Variants in ZNF215 observed in about 807,000 individuals in gnomAD.
ZNF215 encodes the protein BWSCR2-associated zinc finger protein 2.
ZNF215 carries 24 observed loss-of-function variants against 27.2 expected under a neutral mutation model. That is an observed-to-expected ratio of 0.88 (90% CI 0.64 to 1.24). The LOEUF is 1.24. ZNF215 is among the 50% of genes most tolerant of loss of function. ZNF215 has a pLI of 0.00. For synonymous variants in ZNF215, 210 were observed against 204.0 expected (o/e 1.03, Z -0.25); for missense variants, 675 against 605.7 (o/e 1.11, Z -1.20).
At chr11:6,953,571 G>A (rs923737361) in intron 6 of ZNF215, among the ~76,000 whole-genome samples, 3 of 152,092 alleles carry the variant, frequency 2.0e-5, no homozygotes, top group Non-Finnish European at 4.4e-5. Flanking sequence ...CTCGAGCCTT[G>A]GTTTTCAGCT....
chr11:6,989,158 A>G (rs1198950791), downstream of ZNF215, among the ~76,000 whole-genome samples: 1 of 116,864 alleles, frequency 8.6e-6, no homozygotes, highest in Non-Finnish European at 2.0e-5. Context: ...CTCAAAAAAA[A>G]AAAAAAAAAA....
intron 6 of ZNF215, among the ~76,000 whole-genome samples, chr11:6,944,869 A>C (rs1235383862): frequency 1.3e-5 from 2 of 152,060 alleles, no homozygotes; most frequent in African/African-American, 4.8e-5. Context: ...TATTTCACTA[A>C]TTTTGAAAAT....
At position 6,952,864 on chromosome 11, in the gene ZNF215, G is replaced by A. The variant is rs566731647; in HGVS notation, c.713-2826G>A. 4.0e-5 allele frequency among the ~76,000 whole-genome samples: 6 copies of A among 151,444 alleles called. No homozygotes were observed. In the East Asian group the frequency reaches 5.8e-4, roughly 15 times the overall value. ...TTACAATTTGGCATGATTTTGCAGT[G>A]GCTGGTACCGGTTGTTCCTTTCCAT... is the stretch of plus-strand genomic sequence containing the variant. On this transcript the variant is annotated intron_variant, in intron 6 of 6. Coordinates refer to ENST00000278319, the MANE Select transcript of ZNF215 (RefSeq NM_013250.4).
intron 4 of ZNF215, among the ~76,000 whole-genome samples, chr11:6,942,628 G>C (rs576605063): frequency 1.3e-5 from 2 of 152,236 alleles, no homozygotes; most frequent in South Asian, 4.1e-4. Flanking sequence ...AATGATAAGA[G>C]TTATCAGGCA....
downstream of ZNF215, among the ~76,000 whole-genome samples, chr11:6,958,416 T>C (rs2133310837): frequency 6.6e-6 from 1 of 152,336 alleles, no homozygotes; most frequent in Non-Finnish European, 1.5e-5. Context: ...ATCTCCAAGC[T>C]TTCTTAAAAA....
intron 5 of ZNF215, among the ~76,000 whole-genome samples, chr11:6,969,154 T>C (rs568455929): frequency 2.2e-4 from 33 of 152,304 alleles, no homozygotes; most frequent in African/African-American, 7.9e-4. Flanking sequence ...ATTTATTCCA[T>C]GTCCTTATGC....
intron 5 of ZNF215, among the ~76,000 whole-genome samples, chr11:6,980,219 T>G (rs1164121833): frequency 6.6e-6 from 1 of 151,628 alleles, no homozygotes; most frequent in African/African-American, 2.4e-5. Context: ...ATACTAAAAC[T>G]CCAATAAAAA....
chr11:6,934,952 GA>G (rs1849384038), intron 3 of ZNF215, among the ~76,000 whole-genome samples: 1 of 152,188 alleles, frequency 6.6e-6, no homozygotes, highest in Non-Finnish European at 1.5e-5. Flanking sequence ...GGGTAATACA[GA>G]ACTGAAGAAA....
At chr11:6,930,009 T>C (rs937410113) in intron 2 of ZNF215, among the ~76,000 whole-genome samples, 2 of 152,252 alleles carry the variant, frequency 1.3e-5, no homozygotes, top group African/African-American at 2.4e-5. Flanking sequence ...AATATTCTGT[T>C]GCTTATATTG....
At chr11:6,943,665 C>A in intron 6 of ZNF215, 24 bp downstream of exon 6, 1 of 1,539,668 alleles carries the variant, frequency 6.5e-7, no homozygotes, top group Non-Finnish European at 9.0e-7. Flanking sequence ...AGATATGAGG[C>A]CATAGTAAGA....
chr11:6,960,424 A>G (rs1850493410), downstream of ZNF215, among the ~76,000 whole-genome samples: 1 of 152,164 alleles, frequency 6.6e-6, no homozygotes, highest in Admixed American at 6.6e-5. Context: ...CAGCCTACAA[A>G]GAGGAAGAAA....
intron 5 of ZNF215, among the ~76,000 whole-genome samples, chr11:6,982,664 A>G (rs917758897): frequency 2.0e-5 from 3 of 152,272 alleles, no homozygotes; most frequent in South Asian, 2.1e-4. Context: ...ACTACTGGGT[A>G]CATAACGAAA....
intron 6 of ZNF215, among the ~76,000 whole-genome samples, chr11:6,946,165 G>A (rs1014586585): frequency 6.6e-6 from 1 of 151,974 alleles, no homozygotes; most frequent in Non-Finnish European, 1.5e-5. Flanking sequence ...GCTAGTCTAG[G>A]TACCATCATC....
chr11:6,954,092 G>A (rs1850210589), intron 6 of ZNF215, among the ~76,000 whole-genome samples: 1 of 152,164 alleles, frequency 6.6e-6, no homozygotes, highest in South Asian at 2.1e-4. Context: ...CGTTTCTCTG[G>A]AAGTTTTGTC....
chr11:6,936,832 C>T (rs148554468), intron 3 of ZNF215, among the ~76,000 whole-genome samples: 5 of 151,198 alleles, frequency 3.3e-5, no homozygotes, highest in East Asian at 1.9e-4. Flanking sequence ...AAAAATTACA[C>T]GATTATCTCA....
intron 6 of ZNF215, 121 bp from the exon 7 acceptor site, chr11:6,955,569 C>A: frequency 9.4e-7 from 1 of 1,066,742 alleles, no homozygotes; most frequent in Non-Finnish European, 1.2e-6. Flanking sequence ...CTAACCTTGC[C>A]TCACATTTCC....
At chr11:6,986,866 G>T (rs1851062464), downstream of ZNF215, among the ~76,000 whole-genome samples, 1 of 151,996 alleles carries the variant, frequency 6.6e-6, no homozygotes, top group Non-Finnish European at 1.5e-5. Flanking sequence ...AACAAAAACA[G>T]ATGTTGGTGA....
chr11:6,955,069 A>G (rs1381884288), intron 6 of ZNF215, among the ~76,000 whole-genome samples: 1 of 152,206 alleles, frequency 6.6e-6, no homozygotes, highest in African/African-American at 2.4e-5. Context: ...GAAGTACAGT[A>G]GAAAAGTACC....
At chr11:6,983,052 G>A (rs1233782097) in intron 5 of ZNF215, among the ~76,000 whole-genome samples, 4 of 151,016 alleles carry the variant, frequency 2.6e-5, no homozygotes, top group East Asian at 1.9e-4. Context: ...TCAAATAGAT[G>A]CAATAAAAAA....
Sources: allele counts gnomAD v4.1 joint callset (sites outside exome capture counted in the v4.1 genomes callset), GRCh38; gene constraint gnomAD v4.1.1; transcripts MANE v1.5; gene names NCBI Gene and HGNC (gene_info 2026-07-23, HGNC 2026-07-21).